The following SULT1E1 variants were observed in gnomAD, a reference collection of about 807,000 sequenced individuals.
SULT1E1 encodes the protein sulfotransferase family 1E member 1.
In SULT1E1, 36 loss-of-function variants were observed where a neutral mutation model predicts 33.6. The ratio of observed to expected loss-of-function variants is 1.07; its 90% confidence interval spans 0.82 to 1.41. The LOEUF is 1.41. Among genes scored for constraint, SULT1E1 ranks in the 40% most tolerant of loss-of-function variants. The pLI, the probability that SULT1E1 is intolerant of heterozygous loss-of-function variation, is 0.00. For missense variants in SULT1E1, 371 were observed against 345.7 expected, an observed-to-expected ratio of 1.07 and a Z score of -0.58; for synonymous variants, 121 against 111.7, an observed-to-expected ratio of 1.08 and a Z score of -0.53.
At chr4:69,828,721 T>C in the SULT1E1 span, among the ~76,000 whole-genome samples, 2 of 152,212 alleles carry the variant, frequency 1.3e-5, no homozygotes, top group Non-Finnish European at 2.9e-5. Flanking sequence ...ACAGCCTGCT[T>C]CCATTCACTA....
At chr4:69,832,997 A>G in the SULT1E1 span, among the ~76,000 whole-genome samples, 51 of 152,224 alleles carry the variant, frequency 3.4e-4, no homozygotes, top group African/African-American at 1.2e-3. Flanking sequence ...CGTTATCAAA[A>G]CTTTGCCTGT....
chr4:69,856,048 A>G (rs1017759395), intron 2 of SULT1E1, among the ~76,000 whole-genome samples: 1 of 152,206 alleles, frequency 6.6e-6, no homozygotes, highest in African/African-American at 2.4e-5. Flanking sequence ...AGAGGATGTG[A>G]TCCTTCAGCT....
intron 1 of SULT1E1, among the ~76,000 whole-genome samples, chr4:69,858,827 G>A (rs1721306298): frequency 6.6e-6 from 1 of 152,026 alleles, no homozygotes; most frequent in African/African-American, 2.4e-5. Context: ...ACCACGATTT[G>A]TCCTGCCTAT....
At chr4:69,830,501 A>G in the SULT1E1 span, among the ~76,000 whole-genome samples, 1 of 152,160 alleles carries the variant, frequency 6.6e-6, no homozygotes, top group Non-Finnish European at 1.5e-5. Context: ...TCCTTGGAGC[A>G]CCTCTGAGAT....
chr4:69,855,991 C>T (rs1196563430), intron 2 of SULT1E1, among the ~76,000 whole-genome samples: 2 of 152,182 alleles, frequency 1.3e-5, no homozygotes, highest in Non-Finnish European at 2.9e-5. Flanking sequence ...TGTTCTGCTG[C>T]TACTGTTGTT....
chr4:69,852,422 G>A (rs1229079927), intron 4 of SULT1E1, among the ~76,000 whole-genome samples: 2 of 152,070 alleles, frequency 1.3e-5, no homozygotes, highest in Admixed American at 6.5e-5. Context: ...TCACCATAAA[G>A]GTTTCACTTT....
chr4:69,834,841 G>T, the SULT1E1 span, among the ~76,000 whole-genome samples: 1 of 151,928 alleles, frequency 6.6e-6, no homozygotes, highest in Admixed American at 6.6e-5. Context: ...GCAGTCACAG[G>T]GAAAATCGCT....
At chr4:69,857,749 A>G in intron 1 of SULT1E1, 96 bp from the exon 2 acceptor site, 1 of 1,155,026 alleles carries the variant, frequency 8.7e-7, no homozygotes, top group Non-Finnish European at 1.2e-6. Flanking sequence ...CATACCTAGC[A>G]CTTCTTAGTT....
chr4:69,849,688 A>G, intron 4 of SULT1E1, 125 bp from the exon 5 acceptor site: 1 of 823,150 alleles, frequency 1.2e-6, no homozygotes, highest in Non-Finnish European at 1.8e-6. Context: ...TACAAAATGC[A>G]TAAGACATGT....
chr4:69,835,810 T>G, the SULT1E1 span, among the ~76,000 whole-genome samples: 1 of 152,178 alleles, frequency 6.6e-6, no homozygotes, highest in Admixed American at 6.5e-5. Flanking sequence ...TTTTTATTTT[T>G]GTAGAGACTG....
the SULT1E1 span, among the ~76,000 whole-genome samples, chr4:69,823,615 T>A: frequency 6.6e-6 from 1 of 152,174 alleles, no homozygotes; most frequent in Non-Finnish European, 1.5e-5. Flanking sequence ...GCTGTAGAAT[T>A]TCTTCCTGTA....
chr4:69,846,299 A>T (rs1720974144), intron 6 of SULT1E1, among the ~76,000 whole-genome samples: 1 of 128,198 alleles, frequency 7.8e-6, no homozygotes, highest in Non-Finnish European at 1.7e-5. Flanking sequence ...ACATAAACAA[A>T]ACAATCAAAA....
chr4:69,831,340 C>T, the SULT1E1 span, among the ~76,000 whole-genome samples: 130 of 152,232 alleles, frequency 8.5e-4, no homozygotes, highest in African/African-American at 2.9e-3. Flanking sequence ...TAGTGTCTTA[C>T]AATATGCTGC....
intron 4 of SULT1E1, among the ~76,000 whole-genome samples, chr4:69,851,547 A>G (rs113484050): frequency 5.9e-5 from 9 of 152,330 alleles, no homozygotes; most frequent in African/African-American, 2.2e-4. Flanking sequence ...TAGTTCAACC[A>G]TTGTGGAAGT....
chr4:69,844,785 G>T (rs919767467), intron 6 of SULT1E1, among the ~76,000 whole-genome samples: 2 of 152,076 alleles, frequency 1.3e-5, no homozygotes, highest in Non-Finnish European at 2.9e-5. Flanking sequence ...GGTGTAAAAA[G>T]TCAAATACTC....
At chr4:69,836,423 T>C (rs935210845), downstream of SULT1E1, among the ~76,000 whole-genome samples, 4 of 152,208 alleles carry the variant, frequency 2.6e-5, no homozygotes, top group African/African-American at 9.6e-5. Flanking sequence ...TCCTTTTGTA[T>C]CCTCAGGTGC....
At chr4:69,822,368 AG>A in the SULT1E1 span, among the ~76,000 whole-genome samples, 1 of 152,166 alleles carries the variant, frequency 6.6e-6, no homozygotes, top group East Asian at 1.9e-4. Flanking sequence ...GCACTTTTGG[AG>A]GCCAAGGCAG....
the SULT1E1 span, among the ~76,000 whole-genome samples, chr4:69,828,184 T>C: frequency 6.6e-6 from 1 of 152,252 alleles, no homozygotes; most frequent in Non-Finnish European, 1.5e-5. Flanking sequence ...CTGTCCTTGA[T>C]GACCGTCCTC....
At chr4:69,832,291 T>C in the SULT1E1 span, among the ~76,000 whole-genome samples, 1 of 152,094 alleles carries the variant, frequency 6.6e-6, no homozygotes, top group African/African-American at 2.4e-5. Context: ...GGGTAACTGA[T>C]CTCCCATGGC....
Sources: gnomAD v4.1 joint callset for allele counts (sites outside exome capture counted in the v4.1 genomes callset) on GRCh38, gnomAD v4.1.1 for gene constraint, MANE v1.5 for transcripts, NCBI Gene and HGNC (gene_info 2026-07-23, HGNC 2026-07-21) for gene names.